ADGRV1: variants seen among roughly 807,000 people sequenced by gnomAD.
The protein encoded by ADGRV1 is adhesion G protein-coupled receptor V1, also known as G-protein coupled receptor 98.
ADGRV1 carries 359 observed loss-of-function variants against 596.2 expected under a neutral mutation model. The ratio of observed to expected loss-of-function variants is 0.60; its 90% confidence interval spans 0.55 to 0.66. The LOEUF (loss-of-function observed/expected upper bound fraction) is 0.66. Among genes scored for constraint, ADGRV1 ranks in the 30% least tolerant of loss-of-function variants. The pLI is 0.00. For missense variants in ADGRV1, 7,274 were observed against 7,575.6 expected (o/e 0.96, Z 1.48); for synonymous variants, 2,681 against 2,679.2 (o/e 1.00, Z -0.02).
intron 39 of ADGRV1, among the ~76,000 whole-genome samples, chr5:90,709,321 G>C (rs888466010): frequency 9.2e-5 from 14 of 152,030 alleles, no homozygotes; most frequent in Non-Finnish European, 1.9e-4. Context: ...CTTCTTTCAT[G>C]ACCTTTTATC....
intron 72 of ADGRV1, among the ~76,000 whole-genome samples, chr5:90,806,714 C>T (rs10514338): frequency 0.047 from 7,097 of 152,228 alleles, 581 homozygotes; most frequent in African/African-American, 0.16. Context: ...GCTAAAATAA[C>T]AGGAGTTCCC....
chr5:90,820,999 C>G (rs1763442008), intron 75 of ADGRV1, among the ~76,000 whole-genome samples: 1 of 151,950 alleles, frequency 6.6e-6, no homozygotes, highest in African/African-American at 2.4e-5. Context: ...TGGATAATAT[C>G]CTGCAGAGTG....
At chr5:90,995,102 T>C (rs1472932996) in intron 85 of ADGRV1, among the ~76,000 whole-genome samples, 3 of 152,248 alleles carry the variant, frequency 2.0e-5, no homozygotes, top group Admixed American at 6.5e-5. Context: ...AAAGCTTATG[T>C]GTATATCTCA....
At chr5:91,109,971 C>T (rs948149952) in intron 87 of ADGRV1, among the ~76,000 whole-genome samples, 2 of 152,162 alleles carry the variant, frequency 1.3e-5, no homozygotes, top group Non-Finnish European at 2.9e-5. Flanking sequence ...GCTTCTGTCA[C>T]AAAACTAGGA....
rs543269561 is a variant in ADGRV1 at position 91,150,218 on chromosome 5, G to A, written c.18621G>A (p.Glu6207=). The part of the protein sequence containing the change: ...KSTQNLIGAM[E]EVPPDWERAS... Reference sequence around the variant, plus strand: ...CCCAGAATCTCATCGGTGCTATGGAGGAGGTGTCTGCCCTTGCCCTTTCAT... The same window carrying A: ...CCCAGAATCTCATCGGTGCTATGGAAGAGGTGTCTGCCCTTGCCCTTTCAT... The change falls in exon 88 of 90, where the codon GAG becomes GAA. Residue 6207 remains glutamate, a synonymous_variant. Transcript: ENST00000405460. 2.1e-5 allele frequency: 33 copies of A among 1,554,880 alleles called. No homozygotes were observed. In the East Asian group the frequency reaches 7.3e-4, roughly 34 times the overall value.
intron 59 of ADGRV1, among the ~76,000 whole-genome samples, chr5:90,768,270 G>GGTACATTTC (rs1340618600): frequency 3.9e-5 from 6 of 152,050 alleles, no homozygotes; most frequent in Admixed American, 6.6e-5. Flanking sequence ...TCATCAGCCT[G>GGTACATTTC]GTACATTTCA....
intron 83 of ADGRV1, among the ~76,000 whole-genome samples, chr5:90,871,764 G>C (rs1351137039): frequency 6.6e-6 from 1 of 152,142 alleles, no homozygotes; most frequent in Non-Finnish European, 1.5e-5. Context: ...TATTTAATGA[G>C]AGCTCTAAAG....
At chr5:91,147,095 A>G (rs1795604103) in intron 87 of ADGRV1, among the ~76,000 whole-genome samples, 1 of 147,012 alleles carries the variant, frequency 6.8e-6, no homozygotes, top group South Asian at 2.2e-4. Context: ...TGAGCCTGGG[A>G]GGCAGGTTGC....
At chr5:91,040,695 C>A (rs1334313447) in intron 85 of ADGRV1, among the ~76,000 whole-genome samples, 1 of 152,156 alleles carries the variant, frequency 6.6e-6, no homozygotes, top group African/African-American at 2.4e-5. Flanking sequence ...CAACAAGATA[C>A]TGATAGAATT....
chr5:90,627,372 A>G lies in ADGRV1; in HGVS notation c.834A>G (p.Ile278Met). The G allele has an allele frequency of 6.2e-7, 1 of 1,613,944 alleles. No homozygotes were observed. The highest frequency in any genetic ancestry group is 8.5e-7 in the Non-Finnish European group (1 of 1,179,844). Residue 278 changes from isoleucine (I) to methionine (M), a missense_variant, in exon 7 of 90, where the codon ATA becomes ATG. Around this residue, in one of 5 missense-constraint regions of ADGRV1, gnomAD observed 1,715 missense variants for 1,708.8 expected, o/e 1.00. Coordinates refer to ENST00000405460, the MANE Select transcript of ADGRV1 (RefSeq NM_032119.4). ...ATTTGGTTCCTGAGGAAGACCACATACTCATAATTCCAGTAGTTCGTGGAA... is the reference window on the plus strand; with the variant it reads ...ATTTGGTTCCTGAGGAAGACCACATGCTCATAATTCCAGTAGTTCGTGGAA... ...SIYLVPEEDH[I>M]LIIPVVRGKD...
chr5:90,824,700 G>A lies in ADGRV1; in HGVS notation c.16368+1104G>A, dbSNP rs73179324. 1.5e-3 allele frequency among the ~76,000 whole-genome samples: 229 copies of A among 152,168 alleles called. 2 individuals are homozygous for A. The highest frequency in any genetic ancestry group is 4.9e-3 in the African/African-American group (204 of 41,514). On this transcript the variant is annotated intron_variant, in intron 76 of 89. Transcript: ENST00000405460. ...AGGCTCTTGGAAACTGCAACTTTACGTGAAACAATGTGCTGTATAATGAAA... is the reference window on the plus strand; with the variant it reads ...AGGCTCTTGGAAACTGCAACTTTACATGAAACAATGTGCTGTATAATGAAA...
chr5:90,660,074 G>T (rs1379770082), intron 21 of ADGRV1, among the ~76,000 whole-genome samples: 2 of 151,866 alleles, frequency 1.3e-5, no homozygotes, highest in African/African-American at 4.8e-5. Context: ...CAAATTGATT[G>T]CAAGAGGAGC....
intron 35 of ADGRV1, among the ~76,000 whole-genome samples, chr5:90,704,166 T>A (rs1361043474): frequency 6.6e-6 from 1 of 152,210 alleles, no homozygotes; most frequent in East Asian, 1.9e-4. Context: ...AGATTTATGT[T>A]CATTAGCTCA....
At chr5:90,899,105 G>A (rs983194624) in intron 83 of ADGRV1, 1 of 152,118 alleles carries the variant, frequency 6.6e-6, no homozygotes, top group Non-Finnish European at 1.5e-5. Flanking sequence ...AAGTCCAAGG[G>A]CCACACATGA....
At chr5:90,729,599 G>A (rs1222847049) in intron 49 of ADGRV1, 43 bp from the exon 50 acceptor site, 5 of 1,474,812 alleles carry the variant, frequency 3.4e-6, no homozygotes, top group Non-Finnish European at 4.6e-6. Context: ...ATTTTTTTCT[G>A]TAACTTTTGC....
intron 83 of ADGRV1, among the ~76,000 whole-genome samples, chr5:90,865,934 T>G (rs1381335640): frequency 6.6e-6 from 1 of 152,160 alleles, no homozygotes; most frequent in Non-Finnish European, 1.5e-5. Context: ...TTTGGGATCC[T>G]CTGTCAATGT....
At chr5:90,965,057 G>T (rs1235746882) in intron 83 of ADGRV1, among the ~76,000 whole-genome samples, 1 of 152,024 alleles carries the variant, frequency 6.6e-6, no homozygotes, top group Non-Finnish European at 1.5e-5. Flanking sequence ...TCTCCCATTA[G>T]CTTTGATTTT....
At chr5:90,820,109 G>T (rs1763325880) in intron 75 of ADGRV1, among the ~76,000 whole-genome samples, 1 of 151,696 alleles carries the variant, frequency 6.6e-6, no homozygotes, top group South Asian at 2.1e-4. Flanking sequence ...CCTGTGTTGG[G>T]TGCATATATA....
intron 1 of ADGRV1, among the ~76,000 whole-genome samples, chr5:90,570,634 T>A (rs1756399156): frequency 6.6e-6 from 1 of 152,126 alleles, no homozygotes; most frequent in African/African-American, 2.4e-5. Context: ...TTTGTCTTTT[T>A]GTTCCTCAGC....
Sources: allele counts gnomAD v4.1 joint callset (sites outside exome capture counted in the v4.1 genomes callset), GRCh38; gene constraint gnomAD v4.1.1; regional missense constraint gnomAD v4.1.1; transcripts MANE v1.5; gene names NCBI Gene and HGNC (gene_info 2026-07-23, HGNC 2026-07-21).